Variants in AGO3 observed in about 807,000 individuals in gnomAD.
AGO3 encodes the protein protein argonaute-3.
A neutral mutation model predicts 105.5 loss-of-function variants in AGO3; 16 were observed. The ratio of observed to expected loss-of-function variants is 0.15; its 90% CI spans 0.10 to 0.23. AGO3 has a LOEUF of 0.23. Among genes scored for constraint, AGO3 ranks in the 10% least tolerant of loss-of-function variants. AGO3 has a pLI of 1.00. For synonymous variants in AGO3, 340 were observed against 367.3 expected (o/e 0.93, Z 0.85); for missense variants, 534 against 1,088.0 (o/e 0.49, Z 7.16).
chr1:35,935,113 A>T (rs1646126508), intron 1 of AGO3, among the ~76,000 whole-genome samples: 3 of 152,038 alleles, frequency 2.0e-5, no homozygotes, highest in Admixed American at 2.0e-4. Context: ...ATTATGACTT[A>T]AAAAAAATAT....
intron 12 of AGO3, among the ~76,000 whole-genome samples, chr1:36,030,956 A>G (rs979541260): frequency 2.0e-5 from 3 of 152,154 alleles, no homozygotes; most frequent in African/African-American, 7.2e-5. Flanking sequence ...TAGTATAGAG[A>G]TACCTTGTAA....
chr1:36,003,708 AAATATATATATATATAT>A (rs1640206343), intron 5 of AGO3, among the ~76,000 whole-genome samples: 1 of 127,610 alleles, frequency 7.8e-6, no homozygotes, highest in Non-Finnish European at 1.6e-5. Context: ...AAAAAAAAAA[AAATATATATATATATAT>A]ATATATATAT....
chr1:35,985,458 G>A (rs994144466), intron 5 of AGO3, among the ~76,000 whole-genome samples: 1 of 152,130 alleles, frequency 6.6e-6, no homozygotes, highest in African/African-American at 2.4e-5. Context: ...ATGGCTTCAG[G>A]TGCAGGAACA....
intron 5 of AGO3, among the ~76,000 whole-genome samples, chr1:35,976,052 C>T (rs562196097): frequency 3.9e-5 from 6 of 152,036 alleles, no homozygotes; most frequent in Admixed American, 3.3e-4. Flanking sequence ...TCTCATGCCT[C>T]AGCCTCCCAA....
Position 36,059,673 on chromosome 1 carries a change from G to C in AGO3, c.*3928G>C, listed in dbSNP as rs1643004411. On this transcript the variant is annotated 3_prime_UTR_variant, in exon 19 of 19. Coordinates refer to ENST00000373191, the MANE Select transcript of AGO3 (RefSeq NM_024852.4). Reference sequence around the variant, plus strand: ...TATCACAGTATCAGGTTACTGGCATGGAGGACCATACACTTACAATATTGT... The same window carrying C: ...TATCACAGTATCAGGTTACTGGCATCGAGGACCATACACTTACAATATTGT... 1 of 151,872 alleles carries C rather than the reference G, an allele frequency of 6.6e-6. No individual in the cohort carries two copies. The highest frequency in any genetic ancestry group is 1.5e-5 in the Non-Finnish European group (1 of 67,966). The allele number at this position is 151,872 out of a possible 1,614,324, so 9.4% of individuals were successfully genotyped here.
At chr1:35,949,826 G>A (rs1017382331) in intron 2 of AGO3, among the ~76,000 whole-genome samples, 2 of 152,152 alleles carry the variant, frequency 1.3e-5, no homozygotes, top group African/African-American at 4.8e-5. Context: ...TTCTCCCTAT[G>A]TTGCCCAGGC....
chr1:36,040,247 T>C, intron 15 of AGO3, 60 bp from the exon 16 acceptor site: 1 of 1,532,290 alleles, frequency 6.5e-7, no homozygotes, highest in Non-Finnish European at 8.9e-7. Context: ...TTATCCTACT[T>C]TGAAGTATAT....
At chr1:36,015,873 T>A (rs575431649) in intron 11 of AGO3, among the ~76,000 whole-genome samples, 1 of 152,216 alleles carries the variant, frequency 6.6e-6, no homozygotes, top group African/African-American at 2.4e-5. Flanking sequence ...AATAAAAACT[T>A]CAGACAAATT....
chr1:35,958,409 C>T (rs1011449842), intron 2 of AGO3, among the ~76,000 whole-genome samples: 15 of 151,748 alleles, frequency 9.9e-5, no homozygotes, highest in African/African-American at 2.9e-4. Flanking sequence ...TTTGTTCTAC[C>T]CAGCACTTTG....
chr1:36,012,630 TA>T (rs1640674556), intron 9 of AGO3, among the ~76,000 whole-genome samples: 1 of 152,148 alleles, frequency 6.6e-6, no homozygotes. Flanking sequence ...TTAAGATTTT[TA>T]ATATTTCCTA....
rs1485902684 is a variant in AGO3, at chr1:36,058,868, G to T, written c.*3123G>T. Reference sequence around the variant, plus strand: ...ACTGAAATTTTACTGAATATAGTCAGGATCATGGGCAAGAGAAGAAAATAG... The same window carrying T: ...ACTGAAATTTTACTGAATATAGTCATGATCATGGGCAAGAGAAGAAAATAG... On this transcript the variant is annotated 3_prime_UTR_variant, in exon 19 of 19. Transcript: ENST00000373191. 1 of 151,930 alleles carries T rather than the reference G, an allele frequency of 6.6e-6. No individual in the cohort carries two copies. The highest frequency in any genetic ancestry group is 1.5e-5 in the Non-Finnish European group (1 of 67,994). 9.4% of individuals were successfully genotyped at this position (151,930 alleles called of 1,614,324 possible). A position where few individuals can be genotyped will look rare whatever the true frequency, so the allele number is the denominator to read the frequency against.
intron 5 of AGO3, among the ~76,000 whole-genome samples, chr1:36,003,708 A>AT (rs1557678457): frequency 3.1e-3 from 399 of 127,380 alleles, no homozygotes; most frequent in Non-Finnish European, 4.8e-3. Context: ...AAAAAAAAAA[A>AT]AATATATATA....
chr1:35,975,537 TG>T lies in AGO3; in HGVS notation c.658+2027del, dbSNP rs201683652. ...TGTCTTTTGACCTTTGGTATTGTGA[TG>T]TTTTTTTTGTTGTTGTTTTTGTTTT... On this transcript the variant is annotated intron_variant, in intron 5 of 18. Transcript: ENST00000373191. Among the ~76,000 whole-genome samples the T allele has an allele frequency of 3.7e-3, 570 of 152,122 alleles. 8 individuals are homozygous for T. Among genetic ancestry groups the T allele is most frequent in the African/African-American group, 0.012 (507 of 41,416 alleles).
rs1643041942 is a variant in AGO3 at position 36,062,827 on chromosome 1, T to G, written c.*7082T>G. 1 of 152,172 alleles carries G rather than the reference T, an allele frequency of 6.6e-6. No individual in the cohort carries two copies. The highest frequency in any genetic ancestry group is 2.1e-4 in the South Asian group (1 of 4,828). The allele number at this position is 152,172 out of a possible 1,614,324, so 9.4% of individuals were successfully genotyped here. A position where few individuals can be genotyped will look rare whatever the true frequency, so the allele number is the denominator to read the frequency against. ...GCATTATATAATAATGATAGTAAAA[T>G]TATATTGTTTGGAGTGTACTGTGTC... On this transcript the variant is annotated 3_prime_UTR_variant, in exon 19 of 19. Coordinates refer to ENST00000373191, the MANE Select transcript of AGO3 (RefSeq NM_024852.4).
chr1:36,015,470 C>T (rs531566098), intron 11 of AGO3, among the ~76,000 whole-genome samples: 10 of 152,320 alleles, frequency 6.6e-5, no homozygotes, highest in Admixed American at 2.0e-4. Flanking sequence ...CGGCCCCTTT[C>T]GCCTCCTTGG....
chr1:36,003,709 A>ATATATATAT (rs1553165851), intron 5 of AGO3, among the ~76,000 whole-genome samples: 2 of 99,434 alleles, frequency 2.0e-5, no homozygotes, highest in African/African-American at 8.1e-5. Context: ...AAAAAAAAAA[A>ATATATATAT]ATATATATAT....
intron 1 of AGO3, among the ~76,000 whole-genome samples, chr1:35,932,361 G>A (rs1329475389): frequency 6.6e-6 from 1 of 152,062 alleles, no homozygotes; most frequent in Admixed American, 6.5e-5. Context: ...AAATATTTGC[G>A]GGGCTGTCTT....
chr1:36,058,721 A>C lies in AGO3; in HGVS notation c.*2976A>C, dbSNP rs1642988876. The C allele has an allele frequency of 1.3e-5, 2 of 152,224 alleles. No individual in the cohort carries two copies. The highest frequency in any genetic ancestry group is 4.8e-5 in the African/African-American group (2 of 41,454). 9.4% of individuals were successfully genotyped at this position (152,224 alleles called of 1,614,324 possible). On this transcript the variant is annotated 3_prime_UTR_variant, in exon 19 of 19. Coordinates refer to ENST00000373191, the MANE Select transcript of AGO3 (RefSeq NM_024852.4). The stretch of plus-strand genomic sequence containing the variant: ...TATTATTTTGAAGTGTCTGAAATGC[A>C]ATTTACAACACTGTTGCAAAGAACT...
intron 5 of AGO3, among the ~76,000 whole-genome samples, chr1:35,989,344 A>G (rs1647400895): frequency 6.6e-6 from 1 of 152,208 alleles, no homozygotes; most frequent in African/African-American, 2.4e-5. Context: ...TTACCAATCT[A>G]AGACTCAAAA....
Sources: gnomAD v4.1 joint callset for allele counts (sites outside exome capture counted in the v4.1 genomes callset) on GRCh38, gnomAD v4.1.1 for gene constraint, MANE v1.5 for transcripts, NCBI Gene and HGNC (gene_info 2026-07-23, HGNC 2026-07-21) for gene names.